Variants in RBL1 observed in about 807,000 individuals in gnomAD.
The protein encoded by RBL1 is RB transcriptional corepressor like 1, also known as retinoblastoma-like protein 1.
Under a neutral mutation model 123.0 loss-of-function variants are expected in RBL1, and 82 were observed. The ratio of observed to expected loss-of-function variants is 0.67; its 90% CI spans 0.56 to 0.80. The LOEUF (loss-of-function observed/expected upper bound fraction) is 0.80, where lower values mean the gene tolerates loss of function less well. Among genes scored for constraint, RBL1 ranks in the 30% least tolerant of loss-of-function variants. The pLI, the probability that RBL1 is intolerant of heterozygous loss-of-function variation, is 0.00. For missense variants in RBL1, 1,171 were observed against 1,299.6 expected, an observed-to-expected ratio of 0.90 and a Z score of 1.52; for synonymous variants, 405 against 441.3, an observed-to-expected ratio of 0.92 and a Z score of 1.03.
intron 16 of RBL1, among the ~76,000 whole-genome samples, chr20:37,024,093 G>C (rs2064385428): frequency 6.6e-6 from 1 of 151,826 alleles, no homozygotes; most frequent in Admixed American, 6.6e-5. Context: ...CCCAAACTAT[G>C]TCTTTAAATT....
At chr20:37,066,670 T>G in intron 6 of RBL1, 54 bp downstream of exon 6, 2 of 1,513,142 alleles carry the variant, frequency 1.3e-6, no homozygotes, top group Non-Finnish European at 1.8e-6. Context: ...TTTTTTCTTT[T>G]CACATTACTG....
At chr20:37,037,572 T>C (rs1374209573) in intron 14 of RBL1, among the ~76,000 whole-genome samples, 2 of 150,532 alleles carry the variant, frequency 1.3e-5, no homozygotes, top group Non-Finnish European at 2.9e-5. Flanking sequence ...AAGAAGAGCC[T>C]TTTTTTTAAC....
At chr20:37,000,185 C>A (rs1236986309) in intron 21 of RBL1, among the ~76,000 whole-genome samples, 2 of 148,264 alleles carry the variant, frequency 1.3e-5, no homozygotes, top group Non-Finnish European at 3.0e-5. Flanking sequence ...GCAACCGCCC[C>A]GTCTGAGAAG....
At chr20:37,022,398 C>T (rs1160653519) in intron 17 of RBL1, among the ~76,000 whole-genome samples, 2 of 152,134 alleles carry the variant, frequency 1.3e-5, no homozygotes, top group Non-Finnish European at 2.9e-5. Flanking sequence ...ATGATCTCGG[C>T]TCACTGCAGC....
At position 37,049,594 on chromosome 20, in the gene RBL1, C is replaced by G. The variant is rs1218251502; in HGVS notation, c.1468-2404G>C. On this transcript the variant is annotated intron_variant, in intron 11 of 21. Transcript: ENST00000373664. ...GAACGGCAAAATTAGTTGCTTTCGT[C>G]GAGAGTGCCCTTCTGATGAATGTGG... 6 of 755,388 alleles carry G rather than the reference C, an allele frequency of 7.9e-6. No individual in the cohort carries two copies. In the East Asian group the frequency reaches 1.5e-4, roughly 18 times the overall value. 46.8% of individuals were successfully genotyped at this position (755,388 alleles called of 1,614,324 possible).
chr20:37,002,516 G>C (rs2064005410), intron 21 of RBL1, among the ~76,000 whole-genome samples: 1 of 145,574 alleles, frequency 6.9e-6, no homozygotes, highest in African/African-American at 2.6e-5. Context: ...GCTAATTTTT[G>C]TATTTTTAGA....
At chr20:37,088,884 T>C (rs1229122379) in intron 2 of RBL1, 105 bp downstream of exon 2, 16 of 744,276 alleles carry the variant, frequency 2.1e-5, no homozygotes, top group East Asian at 4.0e-5. Context: ...AATAAATAAA[T>C]AAATAAAATA....
chr20:37,025,746 G>GTT (rs113216175), intron 16 of RBL1, among the ~76,000 whole-genome samples: 57 of 140,558 alleles, frequency 4.1e-4, no homozygotes, highest in South Asian at 6.9e-4. Flanking sequence ...AGGGACCTGG[G>GTT]TTTTTTTTTT....
intron 14 of RBL1, among the ~76,000 whole-genome samples, chr20:37,037,469 A>G (rs552765129): frequency 1.3e-5 from 2 of 152,358 alleles, no homozygotes; most frequent in East Asian, 3.8e-4. Flanking sequence ...TTTAAAAAAG[A>G]AAATAATTCT....
chr20:37,026,733 C>A lies in RBL1; in HGVS notation c.2383-3907G>T, dbSNP rs6093826. 3.1e-3 allele frequency among the ~76,000 whole-genome samples: 470 copies of A among 149,766 alleles called. 3 individuals carry two copies. Among genetic ancestry groups the A allele is most frequent in the African/African-American group, 0.011 (456 of 40,698 alleles). On this transcript the variant is annotated intron_variant, in intron 16 of 21. Transcript: ENST00000373664. Reference sequence around the variant, plus strand: ...AAAAAAAAAATTATTAGGCTGGGCGCAGTGGCTCACACCTGTAATACTAGT... The same window carrying A: ...AAAAAAAAAATTATTAGGCTGGGCGAAGTGGCTCACACCTGTAATACTAGT...
At chr20:37,050,087 GA>G (rs1255580651) in intron 11 of RBL1, among the ~76,000 whole-genome samples, 4 of 150,288 alleles carry the variant, frequency 2.7e-5, no homozygotes, top group South Asian at 2.1e-4. Context: ...GAGAGAGAGA[GA>G]AAAAAAATGG....
At chr20:37,073,489 G>A (rs1400170246) in intron 2 of RBL1, among the ~76,000 whole-genome samples, 1 of 151,874 alleles carries the variant, frequency 6.6e-6, no homozygotes, top group African/African-American at 2.4e-5. Context: ...CTTGAGCCCA[G>A]GAGTTTGAGA....
At chr20:37,039,561 T>C (rs2064686588) in intron 14 of RBL1, among the ~76,000 whole-genome samples, 1 of 152,192 alleles carries the variant, frequency 6.6e-6, no homozygotes, top group South Asian at 2.1e-4. Context: ...CCTGCTGCCA[T>C]GTAAGATGTG....
intron 2 of RBL1, among the ~76,000 whole-genome samples, chr20:37,069,206 C>T (rs377371760): frequency 0.011 from 1,707 of 151,942 alleles, 15 homozygotes; most frequent in Non-Finnish European, 0.017. Flanking sequence ...ACCTCCCAGC[C>T]GCCTGCCTTG....
intron 20 of RBL1, 113 bp downstream of exon 20, chr20:37,007,298 G>T: frequency 9.0e-7 from 1 of 1,107,726 alleles, no homozygotes; most frequent in Non-Finnish European, 1.3e-6. Flanking sequence ...TACTGGACAT[G>T]CTCTGATTAA....
At chr20:37,004,008 CCTTTA>C (rs1045047204) in intron 20 of RBL1, 142 bp from the exon 21 acceptor site, 28 of 594,256 alleles carry the variant, frequency 4.7e-5, no homozygotes, top group South Asian at 9.5e-5. Flanking sequence ...AAAAAATGAT[CCTTTA>C]CTTCTTCTTT....
rs746562671 is a variant in RBL1, at chr20:37,044,246, A to G, written c.1610T>C (p.Ile537Thr). 6.2e-7 allele frequency: 1 copy of G among 1,613,664 alleles called. No homozygotes were observed. Among genetic ancestry groups the G allele is most frequent in the Non-Finnish European group, 8.5e-7 (1 of 1,179,848 alleles). Residue 537 changes from isoleucine to threonine, a missense_variant, in exon 13 of 22, where the codon ATT (isoleucine) becomes ACT (threonine). By Grantham distance (89) the Ile-to-Thr change is moderately conservative. Coordinates refer to ENST00000373664, the MANE Select transcript of RBL1 (RefSeq NM_002895.5). ...NLQPFYFYKV[I>T]EVVIRSEEGL... The stretch of plus-strand genomic sequence containing the variant: ...CTCTTCTGAGCGGATCACCACCTCA[A>G]TAACCTGCAGAGGAGAAAGTGAGAA...
intron 14 of RBL1, 61 bp downstream of exon 14, chr20:37,040,092 C>A: frequency 6.3e-7 from 1 of 1,594,370 alleles, no homozygotes; most frequent in Non-Finnish European, 8.5e-7. Context: ...TAAAATTTTC[C>A]CTGAAAAAAA....
At chr20:37,011,403 G>GA (rs2064145425) in intron 19 of RBL1, among the ~76,000 whole-genome samples, 1 of 150,366 alleles carries the variant, frequency 6.7e-6, no homozygotes, top group African/African-American at 2.5e-5. Context: ...AATGACCAAT[G>GA]CTTTGCTCAT....
Sources: gnomAD v4.1 joint callset for allele counts (sites outside exome capture counted in the v4.1 genomes callset) on GRCh38, gnomAD v4.1.1 for gene constraint, MANE v1.5 for transcripts, NCBI Gene and HGNC (gene_info 2026-07-23, HGNC 2026-07-21) for gene names.